The following IARS1 variants were observed in gnomAD, a reference collection of about 807,000 sequenced individuals.
IARS1 encodes the protein isoleucine--tRNA ligase, cytoplasmic.
Under a neutral mutation model 168.2 loss-of-function variants are expected in IARS1, and 124 were observed. The ratio of observed to expected loss-of-function variants is 0.74; its 90% CI spans 0.64 to 0.86. The LOEUF is 0.86. Among genes scored for constraint, IARS1 ranks in the 40% least tolerant of loss-of-function variants. The pLI, the probability that IARS1 is intolerant of heterozygous loss-of-function variation, is 0.00. For synonymous variants in IARS1, 532 were observed against 529.4 expected (o/e 1.00, Z -0.07); for missense variants, 1,452 against 1,515.8 (o/e 0.96, Z 0.70).
chr9:92,249,572 G>GGGAAAA (rs1445356229), intron 25 of IARS1, among the ~76,000 whole-genome samples: 1 of 151,826 alleles, frequency 6.6e-6, no homozygotes, highest in African/African-American at 2.4e-5. Context: ...AGTAAAGTAA[G>GGGAAAA]GGAAAAGGAA....
chr9:92,280,983 A>G (rs765696821), intron 6 of IARS1, 90 bp from the exon 7 acceptor site: 8 of 843,332 alleles, frequency 9.5e-6, no homozygotes, highest in Non-Finnish European at 1.2e-5. Context: ...GGAATAAAAT[A>G]AATCTTCAGG....
chr9:92,256,806 A>G lies in IARS1; in HGVS notation c.2017-6T>C. 6.2e-7 allele frequency: 1 copy of G among 1,607,252 alleles called. No homozygotes were observed. The highest frequency in any genetic ancestry group is 8.5e-7 in the Non-Finnish European group (1 of 1,175,672). Reference sequence around the variant, plus strand: ...AGAAATTCTATTTCTTCCTCCTAGGAAGGAACAATTAATGAAACACTGGCA... The same window carrying G: ...AGAAATTCTATTTCTTCCTCCTAGGGAGGAACAATTAATGAAACACTGGCA... On this transcript the variant is annotated splice_polypyrimidine_tract_variant and splice_region_variant and intron_variant, in intron 19 of 33. Coordinates refer to ENST00000443024, the MANE Select transcript of IARS1 (RefSeq NM_002161.6).
At chr9:92,214,030 G>A (rs1413855373) in intron 33 of IARS1, among the ~76,000 whole-genome samples, 1 of 151,708 alleles carries the variant, frequency 6.6e-6, no homozygotes, top group Non-Finnish European at 1.5e-5. Context: ...CTTGAACTCT[G>A]CCCACCTCAG....
At chr9:92,283,301 A>G (rs1310292158) in intron 6 of IARS1, among the ~76,000 whole-genome samples, 1 of 152,224 alleles carries the variant, frequency 6.6e-6, no homozygotes, top group Non-Finnish European at 1.5e-5. Flanking sequence ...TTTAATTTGC[A>G]GAGGAAAGTT....
At chr9:92,279,464 C>T (rs1834225411) in intron 7 of IARS1, among the ~76,000 whole-genome samples, 1 of 152,204 alleles carries the variant, frequency 6.6e-6, no homozygotes, top group Non-Finnish European at 1.5e-5. Context: ...GCTGCAGACA[C>T]CTGAGCCAGG....
chr9:92,216,322 C>T (rs1383772599), intron 33 of IARS1, among the ~76,000 whole-genome samples: 1 of 151,284 alleles, frequency 6.6e-6, no homozygotes, highest in East Asian at 1.9e-4. Context: ...AAAATCATGC[C>T]AAAATGTAAA....
chr9:92,289,203 T>A (rs751029234), intron 2 of IARS1, 98 bp downstream of exon 2: 19 of 503,698 alleles, frequency 3.8e-5, no homozygotes, highest in Admixed American at 7.9e-5. Flanking sequence ...CGAGACTCCA[T>A]CTCAAAAAAA....
At position 92,229,115 on chromosome 9, in the gene IARS1, G is replaced by T. The variant is rs752563007; in HGVS notation, c.3295C>A (p.Leu1099Ile). 7 of 1,613,176 alleles carry T rather than the reference G, an allele frequency of 4.3e-6. No individual in the cohort carries two copies. The highest frequency in any genetic ancestry group is 5.1e-6 in the Non-Finnish European group (6 of 1,179,698). ...ANGSEQGGVL[L>I]LENPKGDNRL... is the part of the protein sequence containing the mutation. ...TTGTCACCTTTTGGATTTTCCAGGAGCAATACTCCACCTAAAAAGCCACAA... is the reference window on the plus strand; with the variant it reads ...TTGTCACCTTTTGGATTTTCCAGGATCAATACTCCACCTAAAAAGCCACAA... Residue 1099 changes from leucine to isoleucine, a missense_variant, in exon 31 of 34, where the codon CTC (leucine) becomes ATC (isoleucine). By Grantham distance (5) the Leu-to-Ile change is conservative. Coordinates refer to ENST00000443024, the MANE Select transcript of IARS1 (RefSeq NM_002161.6).
chr9:92,211,145 C>G lies in IARS1; in HGVS notation c.3707-256G>C, dbSNP rs1363293256. Among the ~76,000 whole-genome samples, 12 of 152,072 alleles carry G rather than the reference C, an allele frequency of 7.9e-5. 1 individual carries two copies. The highest frequency in any genetic ancestry group is 7.9e-4 in the Admixed American group (12 of 15,264). On this transcript the variant is annotated intron_variant, in intron 33 of 33. Transcript: ENST00000443024. ...CAATTCAGGGTAGTGCTGGCCAGGA[C>G]AGAAAGACCAAGTATATGATTTAGG... is the stretch of plus-strand genomic sequence containing the variant.
At chr9:92,252,200 C>T (rs1830097719) in intron 21 of IARS1, among the ~76,000 whole-genome samples, 2 of 152,228 alleles carry the variant, frequency 1.3e-5, no homozygotes, top group African/African-American at 4.8e-5. Context: ...AATGGATCTA[C>T]CCACAACAGA....
At position 92,250,709 on chromosome 9, in the gene IARS1, C is replaced by A; in HGVS notation, c.2429+4G>T. 6.3e-7 allele frequency: 1 copy of A among 1,598,850 alleles called. No homozygotes were observed. Among genetic ancestry groups the A allele is most frequent in the Non-Finnish European group, 8.5e-7 (1 of 1,172,826 alleles). On this transcript the variant is annotated splice_donor_region_variant and intron_variant, in intron 23 of 33. Coordinates refer to ENST00000443024, the MANE Select transcript of IARS1 (RefSeq NM_002161.6). ...GGTGAGGCTTATTTCTATTTGAGTC[C>A]TACCGAACACGGGGCAGCATGAGGT...
At chr9:92,287,187 C>G (rs1564189856) in intron 4 of IARS1, among the ~76,000 whole-genome samples, 1 of 152,168 alleles carries the variant, frequency 6.6e-6, no homozygotes, top group East Asian at 1.9e-4. Context: ...CAGGAAACCT[C>G]ACACATTGAG....
At position 92,256,767 on chromosome 9, in the gene IARS1, T is replaced by C. The variant is rs762195321; in HGVS notation, c.2050A>G (p.Thr684Ala). 6.2e-7 allele frequency: 1 copy of C among 1,613,388 alleles called. No individual in the cohort carries two copies. Among genetic ancestry groups the C allele is most frequent in the Non-Finnish European group, 8.5e-7 (1 of 1,179,514 alleles). The change falls in exon 20 of 34, where the codon ACG (threonine) becomes GCG (alanine). Residue 684 changes from threonine (T) to alanine (A), a missense_variant. Physicochemically the swap from Thr to Ala is moderately conservative, Grantham distance 58 (BLOSUM62 0). Coordinates refer to ENST00000443024, the MANE Select transcript of IARS1 (RefSeq NM_002161.6). ...EEIEFLYNEN[T>A]VRESPNITDR... is the part of the protein sequence containing the mutation. ...GTAATGTTGGGGCTTTCTCTAACCG[T>C]GTTCTCATTGTAGAGAAATTCTATT... is the stretch of plus-strand genomic sequence containing the variant.
chr9:92,231,910 T>A (rs1304316204), intron 30 of IARS1, among the ~76,000 whole-genome samples: 1 of 152,204 alleles, frequency 6.6e-6, no homozygotes, highest in South Asian at 2.1e-4. Context: ...AATGCAGATA[T>A]ACAACTTTTA....
chr9:92,214,124 A>T (rs1170274226), intron 33 of IARS1, among the ~76,000 whole-genome samples: 1 of 151,954 alleles, frequency 6.6e-6, no homozygotes, highest in Non-Finnish European at 1.5e-5. Context: ...ATGGTCCAAA[A>T]TGATTGAGTT....
rs577233377 is a variant in IARS1 at position 92,244,415 on chromosome 9, C to T, written c.2904+544G>A. ...GCACAGAGGGACCCCTGCAATATCCCCAAACCCACATGCGAGATCTTACAA... is the reference window on the plus strand; with the variant it reads ...GCACAGAGGGACCCCTGCAATATCCTCAAACCCACATGCGAGATCTTACAA... On this transcript the variant is annotated intron_variant, in intron 27 of 33. Coordinates refer to ENST00000443024, the MANE Select transcript of IARS1 (RefSeq NM_002161.6). Among the ~76,000 whole-genome samples the T allele has an allele frequency of 8.5e-5, 13 of 152,238 alleles. No individual in the cohort carries two copies. In the South Asian group the frequency reaches 2.7e-3, roughly 32 times the overall value.
At chr9:92,280,987 C>T in intron 6 of IARS1, 94 bp from the exon 7 acceptor site, 1 of 809,932 alleles carries the variant, frequency 1.2e-6, no homozygotes, top group South Asian at 2.5e-5. Context: ...TAAAATAAAT[C>T]TTCAGGGTAA....
chr9:92,216,144 A>G (rs1838645109), intron 33 of IARS1, among the ~76,000 whole-genome samples: 1 of 151,420 alleles, frequency 6.6e-6, no homozygotes, highest in Non-Finnish European at 1.5e-5. Flanking sequence ...AAGAATTTTC[A>G]ACCCAGAATT....
At chr9:92,240,563 T>C in intron 30 of IARS1, 1 of 605,220 alleles carries the variant, frequency 1.7e-6, no homozygotes, top group Non-Finnish European at 3.0e-6. Flanking sequence ...CCTGGCCCTT[T>C]TTTTTTTTTT....
Sources: gnomAD v4.1 joint callset for allele counts (sites outside exome capture counted in the v4.1 genomes callset) on GRCh38, gnomAD v4.1.1 for gene constraint, MANE v1.5 for transcripts, NCBI Gene and HGNC (gene_info 2026-07-23, HGNC 2026-07-21) for gene names.